Variants in KMT2A observed in about 807,000 individuals in gnomAD.
The protein encoded by KMT2A is histone-lysine N-methyltransferase 2A.
Under a neutral mutation model 345.3 loss-of-function variants are expected in KMT2A, and 16 were observed. The observed-to-expected ratio is 0.05, with a 90% confidence interval of 0.03 to 0.07. The LOEUF is 0.07. Ranked by LOEUF, KMT2A falls within the 10% of genes least tolerant of loss-of-function variation. The pLI, the probability that KMT2A is intolerant of heterozygous loss-of-function variation, is 1.00. For missense variants in KMT2A, 3,272 were observed against 4,841.6 expected (o/e 0.68, Z 9.62); for synonymous variants, 1,599 against 1,778.6 (o/e 0.90, Z 2.54).
intron 31 of KMT2A, chr11:118,512,475 C>A (rs1183204293): frequency 1.2e-5 from 2 of 164,956 alleles, no homozygotes; most frequent in Admixed American, 1.2e-4. Context: ...ATCAGTACTT[C>A]ATTCCTTTTT....
Position 118,505,459 on chromosome 11 carries a change from T to C in KMT2A, c.9567T>C (p.Ile3189=). The C allele has an allele frequency of 6.2e-7, 1 of 1,614,176 alleles. No homozygotes were observed. The highest frequency in any genetic ancestry group is 8.5e-7 in the Non-Finnish European group (1 of 1,180,024). The part of the protein sequence containing the change: ...NISNPPSGLL[I]GVQPPPDPQL... ...GCAATCCTCCTTCAGGCCTGCTTAT[T>C]GGGGTTCAGCCTCCTCCGGATCCCC... Residue 3189 remains isoleucine, a synonymous_variant, in exon 27 of 36, where the codon ATT becomes ATC. Coordinates refer to ENST00000534358, the MANE Select transcript of KMT2A (RefSeq NM_001197104.2). This position sits in a 1 kb window ranked among gnomAD's most constrained non-coding sequence, Gnocchi z 4.6.
intron 31 of KMT2A, among the ~76,000 whole-genome samples, chr11:118,519,033 A>G (rs1480511628): frequency 2.3e-5 from 3 of 128,744 alleles, no homozygotes; most frequent in East Asian, 2.4e-4. Flanking sequence ...AGCTGAGATC[A>G]TGCCACTGCA....
intron 29 of KMT2A, 86 bp downstream of exon 29, chr11:118,509,286 T>C: frequency 9.0e-7 from 1 of 1,116,904 alleles, no homozygotes; most frequent in Non-Finnish European, 1.3e-6. Context: ...ACTTATTTTC[T>C]ACATTTAAAA....
In KMT2A at chr11:118,495,569, G is replaced by A. The variant is rs529182127; in HGVS notation, c.5364-131G>A. On this transcript the variant is annotated intron_variant, in intron 18 of 35. Coordinates refer to ENST00000534358, the MANE Select transcript of KMT2A (RefSeq NM_001197104.2). This position sits in a 1 kb window ranked among gnomAD's most constrained non-coding sequence, Gnocchi z 4.1. Reference sequence around the variant, plus strand: ...CTGTGTACTTCAGCAATTTTCAAACGCTGTGACTTGTTCTTATATTCTGTG... The same window carrying A: ...CTGTGTACTTCAGCAATTTTCAAACACTGTGACTTGTTCTTATATTCTGTG... 16 of 573,588 alleles carry A rather than the reference G, an allele frequency of 2.8e-5. No homozygotes were observed. Among genetic ancestry groups the A allele is most frequent in the African/African-American group, 1.5e-4 (8 of 51,628 alleles). 35.5% of individuals were successfully genotyped at this position (573,588 alleles called of 1,614,324 possible). A position where few individuals can be genotyped will look rare whatever the true frequency, so the allele number is the denominator to read the frequency against.
chr11:118,441,201 A>C (rs1351838589), intron 1 of KMT2A, among the ~76,000 whole-genome samples: 3 of 151,866 alleles, frequency 2.0e-5, no homozygotes, highest in African/African-American at 7.3e-5. Context: ...TCAGGGTCTC[A>C]CTATGTTGCC....
Position 118,496,625 on chromosome 11 carries a change from C to A in KMT2A, c.5664+258C>A, listed in dbSNP as rs1299154126. Among the ~76,000 whole-genome samples, 12 of 151,848 alleles carry A rather than the reference C, an allele frequency of 7.9e-5. No individual in the cohort carries two copies. Among genetic ancestry groups the A allele is most frequent in the African/African-American group, 2.7e-4 (11 of 41,296 alleles). On this transcript the variant is annotated intron_variant, in intron 20 of 35. Coordinates refer to ENST00000534358, the MANE Select transcript of KMT2A (RefSeq NM_001197104.2). This position sits in a 1 kb window ranked among gnomAD's most constrained non-coding sequence, Gnocchi z 4.7. ...GTGACTGATTTGCCTTAAATTAAAC[C>A]CTTGATGTCTAGTAATTTCTAATGG... is the stretch of plus-strand genomic sequence containing the variant.
chr11:118,481,782 G>A lies in KMT2A; in HGVS notation c.3702G>A (p.Val1234=), dbSNP rs1555039286. The A allele has an allele frequency of 1.2e-6, 2 of 1,614,078 alleles. No homozygotes were observed. The highest frequency in any genetic ancestry group is 1.1e-5 in the South Asian group (1 of 91,082). The change falls in exon 7 of 36, where the codon GTG becomes GTA. Residue 1234 remains valine (V), a synonymous_variant. Coordinates refer to ENST00000534358, the MANE Select transcript of KMT2A (RefSeq NM_001197104.2). ...EKKDSKESSV[V]KNVVDSSQKP... Reference sequence around the variant, plus strand: ...AAGACAGCAAAGAGAGCAGTGTTGTGAAGAACGTGGTGGACTCTAGTCAGA... The same window carrying A: ...AAGACAGCAAAGAGAGCAGTGTTGTAAAGAACGTGGTGGACTCTAGTCAGA...
intron 1 of KMT2A, among the ~76,000 whole-genome samples, chr11:118,454,841 AT>A (rs879979135): frequency 0.018 from 2,695 of 145,686 alleles, 75 homozygotes; most frequent in African/African-American, 0.054. Flanking sequence ...AAAATGGTTA[AT>A]TTTTTTTTTT....
Position 118,451,295 on chromosome 11 carries a change from T to G in KMT2A, c.432+14351T>G, listed in dbSNP as rs190751669. Among the ~76,000 whole-genome samples, 48 of 146,478 alleles carry G rather than the reference T, an allele frequency of 3.3e-4. 1 individual carries two copies. The highest frequency in any genetic ancestry group is 2.1e-4 in the Non-Finnish European group (14 of 66,908). ...GGCACAAACACAGCTCACTGCAGCC[T>G]CAAACTCCTGGGCTCAAGGGATCCT... is the stretch of plus-strand genomic sequence containing the variant. On this transcript the variant is annotated intron_variant, in intron 1 of 35. Transcript: ENST00000534358.
rs1950927029 is a variant in KMT2A at position 118,520,166 on chromosome 11, A to G, written c.11429+102A>G. On this transcript the variant is annotated intron_variant, in intron 33 of 35. Transcript: ENST00000534358. This position sits in a 1 kb window ranked among gnomAD's most constrained non-coding sequence, Gnocchi z 4.3. ...TTGTTTGCATCAGAATTTCCTGGAT[A>G]AGATTTAAAAGGACTGAAAACCATT... 1 of 758,920 alleles carries G rather than the reference A, an allele frequency of 1.3e-6. No individual in the cohort carries two copies. The highest frequency in any genetic ancestry group is 2.2e-6 in the Non-Finnish European group (1 of 459,172). The allele number at this position is 758,920 out of a possible 1,614,324, so 47.0% of individuals were successfully genotyped here.
intron 32 of KMT2A, 56 bp from the exon 33 acceptor site, chr11:118,519,901 C>G: frequency 6.4e-7 from 1 of 1,561,106 alleles, no homozygotes; most frequent in Non-Finnish European, 8.8e-7. Flanking sequence ...ATGCCATCAT[C>G]CTTTACTGCT....
intron 6 of KMT2A, among the ~76,000 whole-genome samples, chr11:118,480,656 A>C (rs1170779040): frequency 1.3e-5 from 2 of 151,632 alleles, no homozygotes; most frequent in East Asian, 3.9e-4. Flanking sequence ...GATACATGGC[A>C]GGTGTATTTA....
chr11:118,441,288 T>C (rs1265691202), intron 1 of KMT2A, among the ~76,000 whole-genome samples: 4 of 152,092 alleles, frequency 2.6e-5, no homozygotes, highest in Non-Finnish European at 4.4e-5. Flanking sequence ...ATTTTTAATA[T>C]CAGATTATAC....
chr11:118,479,382 A>G (rs1019569921), intron 5 of KMT2A, among the ~76,000 whole-genome samples: 2 of 152,232 alleles, frequency 1.3e-5, no homozygotes, highest in African/African-American at 4.8e-5. Flanking sequence ...GTGATTAAGC[A>G]TCTTGTAAAC....
chr11:118,512,788 A>G (rs1591296242), intron 31 of KMT2A, among the ~76,000 whole-genome samples: 1 of 148,260 alleles, frequency 6.7e-6, no homozygotes, highest in African/African-American at 2.5e-5. Context: ...CTTTGCCAAC[A>G]CTTACCTGTT....
rs1010028703 is a variant in KMT2A, at chr11:118,519,808, T to C, written c.11321+16T>C. 6.2e-6 allele frequency: 10 copies of C among 1,606,410 alleles called. No homozygotes were observed. The highest frequency in any genetic ancestry group is 7.7e-6 in the Non-Finnish European group (9 of 1,173,600). ...TCCACCTCAGGCAAGTTCCCTTCTT[T>C]TCTGTCAGCAGTTTTGGGTCTCGAT... On this transcript the variant is annotated intron_variant, in intron 32 of 35. Coordinates refer to ENST00000534358, the MANE Select transcript of KMT2A (RefSeq NM_001197104.2).
chr11:118,443,370 A>C (rs778700222), intron 1 of KMT2A, among the ~76,000 whole-genome samples: 2 of 152,218 alleles, frequency 1.3e-5, no homozygotes, highest in Admixed American at 1.3e-4. Context: ...AAAGAAATCC[A>C]TACCACCACT....
chr11:118,513,937 CAAAAAAAA>C (rs1178939991), intron 31 of KMT2A, among the ~76,000 whole-genome samples: 1 of 47,354 alleles, frequency 2.1e-5, no homozygotes, highest in Non-Finnish European at 4.2e-5. Flanking sequence ...GACCCTGTCT[CAAAAAAAA>C]AAAAAAAAAA....
At chr11:118,463,579 A>G (rs1949786920) in intron 1 of KMT2A, among the ~76,000 whole-genome samples, 1 of 152,218 alleles carries the variant, frequency 6.6e-6, no homozygotes, top group Non-Finnish European at 1.5e-5. Context: ...AACTTATTCA[A>G]TTCCTTTAAA....
Sources: gnomAD v4.1 joint callset for allele counts (sites outside exome capture counted in the v4.1 genomes callset) on GRCh38, gnomAD v4.1.1 for gene constraint, Gnocchi (gnomAD v3.1) non-coding constraint, MANE v1.5 for transcripts, NCBI Gene and HGNC (gene_info 2026-07-23, HGNC 2026-07-21) for gene names.